The following KCNK5 variants were observed in gnomAD, a reference collection of about 807,000 sequenced individuals.
The protein encoded by KCNK5 is potassium channel subfamily K member 5.
KCNK5 carries 18 observed loss-of-function variants against 32.9 expected under a neutral mutation model. That is an observed-to-expected ratio of 0.55 (90% confidence interval 0.38 to 0.81). KCNK5 has a LOEUF of 0.81. Ranked by LOEUF, KCNK5 falls within the 30% of genes least tolerant of loss-of-function variation. The pLI is 0.00. For missense variants in KCNK5, 507 were observed against 651.0 expected (o/e 0.78, Z 2.41); for synonymous variants, 276 against 275.3 (o/e 1.00, Z -0.03).
rs1238099384 is a variant in KCNK5, at chr6:39,229,211, A to C, written c.-100T>G. On this transcript the variant is annotated 5_prime_UTR_variant, in exon 1 of 5. Coordinates refer to ENST00000359534, the MANE Select transcript of KCNK5 (RefSeq NM_003740.4). ...TCTGAAAACAGCTGTTTGAATTTGGAGCTCCGCATGCGCAGTGCCCGGTAC... is the reference window on the plus strand; with the variant it reads ...TCTGAAAACAGCTGTTTGAATTTGGCGCTCCGCATGCGCAGTGCCCGGTAC... 8.9e-6 allele frequency: 11 copies of C among 1,235,588 alleles called. No homozygotes were observed. Among genetic ancestry groups the C allele is most frequent in the Non-Finnish European group, 1.1e-5 (10 of 884,184 alleles). 76.5% of individuals were successfully genotyped at this position (1,235,588 alleles called of 1,614,324 possible). A position where few individuals can be genotyped will look rare whatever the true frequency, so the allele number is the denominator to read the frequency against.
At chr6:39,195,567 C>T (rs906975506) in intron 2 of KCNK5, among the ~76,000 whole-genome samples, 3 of 152,234 alleles carry the variant, frequency 2.0e-5, no homozygotes, top group African/African-American at 7.2e-5. Flanking sequence ...AAACAGACAC[C>T]CAGCTTGGTA....
In KCNK5 at chr6:39,194,545, C is replaced by A; in HGVS notation, c.465+49G>T. On this transcript the variant is annotated intron_variant, in intron 3 of 4. Transcript: ENST00000359534. The surrounding 1 kb of genome is among the most constrained non-coding windows in gnomAD (Gnocchi z 4.7). Reference sequence around the variant, plus strand: ...TAGAGGCCTCCTGTCCTCCCCTCACCTGTCATGGTTCCCCCATCTCTGCCC... The same window carrying A: ...TAGAGGCCTCCTGTCCTCCCCTCACATGTCATGGTTCCCCCATCTCTGCCC... The A allele has an allele frequency of 6.3e-7, 1 of 1,598,986 alleles. No individual in the cohort carries two copies. The highest frequency in any genetic ancestry group is 1.1e-5 in the South Asian group (1 of 89,748).
intron 1 of KCNK5, among the ~76,000 whole-genome samples, chr6:39,202,056 T>C (rs1163031355): frequency 2.0e-5 from 3 of 152,188 alleles, no homozygotes; most frequent in Non-Finnish European, 4.4e-5. Context: ...GAGACTCCCC[T>C]AGAGTGCCAG....
At position 39,190,881 on chromosome 6, in the gene KCNK5, G is replaced by A. The variant is rs994954830; in HGVS notation, c.*9C>T. ...GCCATCAAAGGTGGGGTGGGGAGCC[G>A]GCCCTGCCTCATGTGCCCTTGGGGC... On this transcript the variant is annotated 3_prime_UTR_variant, in exon 5 of 5. Coordinates refer to ENST00000359534, the MANE Select transcript of KCNK5 (RefSeq NM_003740.4). 13 of 1,459,886 alleles carry A rather than the reference G, an allele frequency of 8.9e-6. No individual in the cohort carries two copies. In the Admixed American group the frequency reaches 1.1e-4, roughly 12 times the overall value. The allele number at this position is 1,459,886 out of a possible 1,614,324, so 90.4% of individuals were successfully genotyped here. A position where few individuals can be genotyped will look rare whatever the true frequency, so the allele number is the denominator to read the frequency against.
At position 39,190,926 on chromosome 6, in the gene KCNK5, A is replaced by G. The variant is rs1258566869; in HGVS notation, c.1464T>C (p.Asn488=). 1.3e-6 allele frequency: 2 copies of G among 1,484,858 alleles called. No homozygotes were observed. The highest frequency in any genetic ancestry group is 1.8e-6 in the Non-Finnish European group (2 of 1,118,028). 92.0% of individuals were successfully genotyped at this position (1,484,858 alleles called of 1,614,324 possible). A position where few individuals can be genotyped will look rare whatever the true frequency, so the allele number is the denominator to read the frequency against. The change falls in exon 5 of 5, where the codon AAT becomes AAC. Residue 488 remains asparagine, a synonymous_variant. Coordinates refer to ENST00000359534, the MANE Select transcript of KCNK5 (RefSeq NM_003740.4). ...TGGGGCTGTTAGCCTTGTTGTACTC[A>G]TTCATCAGCTGTTCGTAAGGCACAG... ...ELSVPYEQLM[N]EYNKANSPKG... is the part of the protein sequence containing the mutation.
intron 1 of KCNK5, among the ~76,000 whole-genome samples, chr6:39,205,567 G>A (rs755098652): frequency 1.3e-5 from 2 of 152,178 alleles, no homozygotes; most frequent in African/African-American, 2.4e-5. Flanking sequence ...GGGACACTGA[G>A]GCCTGGATTT....
intron 1 of KCNK5, among the ~76,000 whole-genome samples, chr6:39,218,070 C>CT (rs796153225): frequency 0.059 from 7,740 of 130,320 alleles, 369 homozygotes; most frequent in African/African-American, 0.1. Flanking sequence ...ACTTACAGGC[C>CT]TTTTTTTTTT....
intron 1 of KCNK5, among the ~76,000 whole-genome samples, chr6:39,216,656 T>A (rs1771443525): frequency 1.3e-5 from 2 of 152,120 alleles, no homozygotes; most frequent in Admixed American, 6.5e-5. Context: ...CTTGCAAAAT[T>A]AGGTTCCCCA....
intron 1 of KCNK5, among the ~76,000 whole-genome samples, chr6:39,216,179 G>T (rs547018791): frequency 2.6e-5 from 4 of 152,326 alleles, no homozygotes; most frequent in African/African-American, 9.6e-5. Flanking sequence ...CAGCTACTCA[G>T]GAGGCTGAAA....
intron 1 of KCNK5, among the ~76,000 whole-genome samples, chr6:39,206,841 A>T (rs927259921): frequency 4.6e-5 from 7 of 151,932 alleles, no homozygotes; most frequent in African/African-American, 1.7e-4. Flanking sequence ...TGGCGCGTCG[A>T]TTACAAAAAA....
At chr6:39,205,035 G>A (rs1350486182) in intron 1 of KCNK5, among the ~76,000 whole-genome samples, 1 of 152,230 alleles carries the variant, frequency 6.6e-6, no homozygotes, top group African/African-American at 2.4e-5. Context: ...AGGCTGGGAC[G>A]GTAATCCCCC....
At position 39,196,725 on chromosome 6, in the gene KCNK5, G is replaced by T. The variant is rs116201760; in HGVS notation, c.187-738C>A. 4.9e-3 allele frequency among the ~76,000 whole-genome samples: 740 copies of T among 152,312 alleles called. 6 individuals carry two copies. Among genetic ancestry groups the T allele is most frequent in the African/African-American group, 0.017 (697 of 41,566 alleles). Reference sequence around the variant, plus strand: ...GTAGCCCTTTCTCTCTCTGCCCTGGGCTGAGCAGCTGTCTGGGAAGGGACA... The same window carrying T: ...GTAGCCCTTTCTCTCTCTGCCCTGGTCTGAGCAGCTGTCTGGGAAGGGACA... On this transcript the variant is annotated intron_variant, in intron 1 of 4. Coordinates refer to ENST00000359534, the MANE Select transcript of KCNK5 (RefSeq NM_003740.4).
chr6:39,193,318 C>G (rs888808596), intron 4 of KCNK5, among the ~76,000 whole-genome samples: 1 of 152,204 alleles, frequency 6.6e-6, no homozygotes, highest in African/African-American at 2.4e-5. Flanking sequence ...GTGTTTGTGC[C>G]TCTCTTTCCT....
chr6:39,195,652 C>T (rs1771017727), intron 2 of KCNK5, among the ~76,000 whole-genome samples: 1 of 152,238 alleles, frequency 6.6e-6, no homozygotes, highest in Non-Finnish European at 1.5e-5. Flanking sequence ...GAGGCTGTGT[C>T]ATTGTTTCTG....
At chr6:39,220,191 C>T (rs1042628095) in intron 1 of KCNK5, among the ~76,000 whole-genome samples, 13 of 152,276 alleles carry the variant, frequency 8.5e-5, no homozygotes, top group African/African-American at 3.1e-4. Flanking sequence ...ACCAGCTGCA[C>T]AGCTTCTCTC....
intron 1 of KCNK5, among the ~76,000 whole-genome samples, chr6:39,228,536 G>T (rs912217858): frequency 6.6e-6 from 1 of 152,174 alleles, no homozygotes; most frequent in Non-Finnish European, 1.5e-5. Flanking sequence ...GACACGAGGG[G>T]ATGGCACCAG....
intron 1 of KCNK5, among the ~76,000 whole-genome samples, chr6:39,204,165 T>TG (rs1219766039): frequency 2.6e-5 from 4 of 152,258 alleles, no homozygotes; most frequent in Admixed American, 2.6e-4. Context: ...AACTTGTGGT[T>TG]GCTTATCTCT....
chr6:39,202,172 G>A (rs1475955414), intron 1 of KCNK5, among the ~76,000 whole-genome samples: 3 of 152,188 alleles, frequency 2.0e-5, no homozygotes, highest in Non-Finnish European at 4.4e-5. Context: ...TACTGAATGA[G>A]TGAATAAATA....
At chr6:39,226,201 T>C (rs893287158) in intron 1 of KCNK5, among the ~76,000 whole-genome samples, 4 of 152,152 alleles carry the variant, frequency 2.6e-5, no homozygotes, top group African/African-American at 9.7e-5. Context: ...TAACTTCCCT[T>C]GTGTGAGTCT....
Sources: allele counts gnomAD v4.1 joint callset (sites outside exome capture counted in the v4.1 genomes callset), GRCh38; gene constraint gnomAD v4.1.1; non-coding constraint Gnocchi (gnomAD v3.1); transcripts MANE v1.5; gene names NCBI Gene and HGNC (gene_info 2026-07-23, HGNC 2026-07-21).